Variants in LYPD8 observed in about 807,000 individuals in gnomAD.
LYPD8 encodes the protein ly6/PLAUR domain-containing protein 8.
A neutral mutation model predicts 1.7 loss-of-function variants in LYPD8; 8 were observed. The observed-to-expected ratio is 4.58, with a 90% CI of 2.69 to 8.27. The LOEUF (loss-of-function observed/expected upper bound fraction) is 8.27, where lower values mean the gene tolerates loss of function less well. Among genes scored for constraint, LYPD8 ranks in the 30% most tolerant of loss-of-function variants. The pLI is 0.00. For missense variants in LYPD8, 112 were observed against 102.3 expected, an observed-to-expected ratio of 1.09 and a Z score of -0.41; for synonymous variants, 50 against 43.6, an observed-to-expected ratio of 1.15 and a Z score of -0.58.
intron 2 of LYPD8, among the ~76,000 whole-genome samples, chr1:248,753,280 AAC>A (rs1295210983): frequency 5.4e-5 from 5 of 92,802 alleles, no homozygotes; most frequent in Non-Finnish European, 6.1e-5. Context: ...CACACCACAC[AAC>A]ACACACACAC....
intron 2 of LYPD8, among the ~76,000 whole-genome samples, chr1:248,752,784 C>CAT (rs1662829945): frequency 1.9e-5 from 2 of 104,026 alleles, no homozygotes; most frequent in African/African-American, 4.2e-5. Flanking sequence ...ACAACACACA[C>CAT]CACACACACA....
intron 2 of LYPD8, among the ~76,000 whole-genome samples, chr1:248,754,934 G>C (rs1482935494): frequency 2.0e-5 from 3 of 152,092 alleles, no homozygotes; most frequent in Admixed American, 6.5e-5. Flanking sequence ...TGGCCTTCTG[G>C]GAAAGGGCCT....
At chr1:248,754,068 C>T (rs889911157) in intron 2 of LYPD8, among the ~76,000 whole-genome samples, 43 of 123,112 alleles carry the variant, frequency 3.5e-4, no homozygotes, top group African/African-American at 1.3e-3. Context: ...CACAGCACAC[C>T]CCACACCACA....
intron 2 of LYPD8, among the ~76,000 whole-genome samples, chr1:248,753,202 CACACAACACACACACCACACCA>C (rs1662853730): frequency 9.0e-6 from 1 of 111,362 alleles, no homozygotes; most frequent in Non-Finnish European, 1.8e-5. Flanking sequence ...CATCACACCC[CACACAACACACACACCACACCA>C]CACACACACA....
intron 6 of LYPD8, among the ~76,000 whole-genome samples, chr1:248,740,398 T>G (rs1553283195): frequency 2.0e-5 from 3 of 152,204 alleles, no homozygotes; most frequent in African/African-American, 7.2e-5. Context: ...CTGCCGTAAA[T>G]TGGGGTTCTG....
Position 248,750,597 on chromosome 1 carries a change from GAC to G in LYPD8, c.97_98del (p.Val33GlnfsTer6). On this transcript the variant is annotated frameshift_variant, in exon 4 of 7. Coordinates refer to ENST00000590317, the MANE Select transcript of LYPD8 (RefSeq NM_001085474.2). LOFTEE classifies it high-confidence loss of function. ...VQCNSWEKSCVNSIASECPSH... is the reference protein window; with the variant it reads ...VQCNSWEKSCXNSIASECPSH... ...AGGGACATTCAGAGGCAATGCTGTTGACACAGGATTTTTCCCATGAATTACAC... is the reference window on the plus strand; with the variant it reads ...AGGGACATTCAGAGGCAATGCTGTTGACAGGATTTTTCCCATGAATTACAC... 2.5e-6 allele frequency: 1 copy of G among 398,648 alleles called. No homozygotes were observed. Among genetic ancestry groups the G allele is most frequent in the Non-Finnish European group, 4.4e-6 (1 of 226,094 alleles). 24.7% of individuals were successfully genotyped at this position (398,648 alleles called of 1,614,324 possible). A position where few individuals can be genotyped will look rare whatever the true frequency, so the allele number is the denominator to read the frequency against.
At chr1:248,743,848 C>T (rs1415699768) in intron 6 of LYPD8, among the ~76,000 whole-genome samples, 1 of 152,210 alleles carries the variant, frequency 6.6e-6, no homozygotes, top group Non-Finnish European at 1.5e-5. Context: ...TGCCAAGACC[C>T]GGTGAGTGGG....
chr1:248,740,409 C>G (rs1662569459), intron 6 of LYPD8, among the ~76,000 whole-genome samples: 1 of 152,192 alleles, frequency 6.6e-6, no homozygotes, highest in Admixed American at 6.5e-5. Flanking sequence ...TGGGGTTCTG[C>G]TATGTTTAAT....
intron 4 of LYPD8, among the ~76,000 whole-genome samples, chr1:248,749,631 C>A (rs1662763723): frequency 6.6e-6 from 1 of 151,950 alleles, no homozygotes; most frequent in Admixed American, 6.6e-5. Flanking sequence ...CCTCCACATT[C>A]ATGACATCAA....
In LYPD8 at chr1:248,739,641, G is replaced by A. The variant is rs1394290583; in HGVS notation, c.684C>T (p.Ala228=). The part of the protein sequence containing the change: ...SKASLYLLAL[A]SLLLRGLLP ...GCAGCAGTCCCCGAAGAAGGAGGCT[G>A]GCAAGGGCCAAGAGGTAGAGGGAAG... The change falls in exon 7 of 7, where the codon GCC becomes GCT. Residue 228 remains alanine (A), a synonymous_variant. Coordinates refer to ENST00000590317, the MANE Select transcript of LYPD8 (RefSeq NM_001085474.2). The surrounding 1 kb of genome is among the most constrained non-coding windows in gnomAD (Gnocchi z 4.3). 2.6e-6 allele frequency: 4 copies of A among 1,551,588 alleles called. No homozygotes were observed. The highest frequency in any genetic ancestry group is 2.4e-5 in the South Asian group (2 of 84,060).
chr1:248,755,191 G>A (rs1662902104), intron 2 of LYPD8, 48 bp downstream of exon 2: 1 of 152,298 alleles, frequency 6.6e-6, no homozygotes, highest in Non-Finnish European at 1.5e-5. Flanking sequence ...CAACACCTCT[G>A]TGGGTAAGAG....
chr1:248,753,082 A>C (rs1662847673), intron 2 of LYPD8, among the ~76,000 whole-genome samples: 3 of 83,394 alleles, frequency 3.6e-5, no homozygotes, highest in African/African-American at 4.9e-5. Flanking sequence ...CACACCCCAC[A>C]CCACACTACA....
At position 248,739,887 on chromosome 1, in the gene LYPD8, T is replaced by G. The variant is rs1385467347; in HGVS notation, c.476-38A>C. 1.9e-6 allele frequency: 3 copies of G among 1,549,410 alleles called. No individual in the cohort carries two copies. In the African/African-American group the frequency reaches 4.1e-5, roughly 21 times the overall value. On this transcript the variant is annotated intron_variant, in intron 6 of 6. Transcript: ENST00000590317. The surrounding 1 kb of genome is among the most constrained non-coding windows in gnomAD (Gnocchi z 4.3). ...AGGAGACAGGAGGGACGCCACTCAGTCCTTTGTCCTTCCACCCACGCCTGC... is the reference window on the plus strand; with the variant it reads ...AGGAGACAGGAGGGACGCCACTCAGGCCTTTGTCCTTCCACCCACGCCTGC...
Position 248,748,355 on chromosome 1 carries a change from C to A in LYPD8, c.271G>T (p.Glu91Ter). The change falls in exon 5 of 7, where the codon GAA becomes TAA. Residue 91 changes from glutamate to a stop codon, truncating the protein, a stop_gained. Coordinates refer to ENST00000590317, the MANE Select transcript of LYPD8 (RefSeq NM_001085474.2). LOFTEE classifies it high-confidence loss of function. ...TAFTVHVSAE[E>*]HFHFVSQCCQ... The stretch of plus-strand genomic sequence containing the variant: ...CACTGGCTTACAAAATGAAAGTGTT[C>A]TTCAGCAGACACGTGGACAGTGAAG... The A allele has an allele frequency of 2.2e-6, 1 of 463,660 alleles. No homozygotes were observed. Among genetic ancestry groups the A allele is most frequent in the South Asian group, 4.4e-5 (1 of 22,544 alleles). The allele number at this position is 463,660 out of a possible 1,614,324, so 28.7% of individuals were successfully genotyped here.
At chr1:248,743,546 A>G (rs1662662924) in intron 6 of LYPD8, among the ~76,000 whole-genome samples, 1 of 152,228 alleles carries the variant, frequency 6.6e-6, no homozygotes, top group African/African-American at 2.4e-5. Context: ...CCATGATTAC[A>G]GTTAAACACT....
At chr1:248,741,341 G>A (rs554613586) in intron 6 of LYPD8, among the ~76,000 whole-genome samples, 6 of 152,276 alleles carry the variant, frequency 3.9e-5, no homozygotes, top group Admixed American at 2.6e-4. Flanking sequence ...TGAGTAGTAC[G>A]GACTACAGGC....
intron 4 of LYPD8, among the ~76,000 whole-genome samples, chr1:248,748,998 A>G (rs1662755081): frequency 6.6e-6 from 1 of 152,262 alleles, no homozygotes; most frequent in Non-Finnish European, 1.5e-5. Context: ...ATATGTGACT[A>G]CAGTATGGCA....
At chr1:248,752,907 CCCACACACCAACACA>C (rs1366923685) in intron 2 of LYPD8, among the ~76,000 whole-genome samples, 22 of 108,388 alleles carry the variant, frequency 2.0e-4, no homozygotes, top group African/African-American at 4.6e-4. Context: ...TCACACACAC[CCCACACACCAACACA>C]CCACATCACA....
intron 2 of LYPD8, among the ~76,000 whole-genome samples, chr1:248,752,829 A>C (rs1662834005): frequency 2.1e-5 from 2 of 94,962 alleles, no homozygotes; most frequent in Non-Finnish European, 4.1e-5. Flanking sequence ...CACATCACAC[A>C]CACCACACCC....
Sources: allele counts gnomAD v4.1 joint callset (sites outside exome capture counted in the v4.1 genomes callset), GRCh38; gene constraint gnomAD v4.1.1; non-coding constraint Gnocchi (gnomAD v3.1); transcripts MANE v1.5; gene names NCBI Gene and HGNC (gene_info 2026-07-23, HGNC 2026-07-21).